Variants in EPHX1 observed in about 807,000 individuals in gnomAD.
EPHX1 encodes epoxide hydrolase 1.
EPHX1 carries 40 observed loss-of-function variants against 43.2 expected under a neutral mutation model. That is an observed-to-expected ratio of 0.93 (90% CI 0.72 to 1.21). The LOEUF (loss-of-function observed/expected upper bound fraction) is 1.21, where lower values mean the gene tolerates loss of function less well. EPHX1 is among the 50% of genes most tolerant of loss of function. The pLI is 0.00. For missense variants in EPHX1, 550 were observed against 570.4 expected (o/e 0.96, Z 0.36); for synonymous variants, 221 against 226.7 (o/e 0.98, Z 0.22).
intron 1 of EPHX1, among the ~76,000 whole-genome samples, chr1:225,824,435 G>A (rs895845711): frequency 3.9e-5 from 6 of 152,168 alleles, no homozygotes; most frequent in Admixed American, 1.3e-4. Context: ...TGCCTACTCC[G>A]ATTCTTGCCT....
rs146784345 is a variant in EPHX1 at position 225,828,372 on chromosome 1, A to G, written c.-5-353A>G. 1.9e-4 allele frequency among the ~76,000 whole-genome samples: 29 copies of G among 151,472 alleles called. No individual in the cohort carries two copies. The East Asian group carries it at 2.3e-3, about 12-fold the overall frequency. On this transcript the variant is annotated intron_variant, in intron 1 of 8. Coordinates refer to ENST00000272167, the MANE Select transcript of EPHX1 (RefSeq NM_001136018.4). Reference sequence around the variant, plus strand: ...AAAAAAACAACATGAGGCCTCAGAAATGTAGCTCCCAAAACCCCCTACCCA... The same window carrying G: ...AAAAAAACAACATGAGGCCTCAGAAGTGTAGCTCCCAAAACCCCCTACCCA...
chr1:225,816,988 G>A (rs1393054809), intron 1 of EPHX1, among the ~76,000 whole-genome samples: 1 of 152,212 alleles, frequency 6.6e-6, no homozygotes, highest in Non-Finnish European at 1.5e-5. Flanking sequence ...GCTGTCTCCT[G>A]ACACTTTTTA....
At chr1:225,824,821 A>C (rs1297557679) in intron 1 of EPHX1, among the ~76,000 whole-genome samples, 1 of 152,146 alleles carries the variant, frequency 6.6e-6, no homozygotes, top group Non-Finnish European at 1.5e-5. Context: ...GCGGGGTTGG[A>C]AACCCACCCC....
chr1:225,838,896 G>GACT lies in EPHX1; in HGVS notation c.592+16_592+17insCTA. The GACT allele has an allele frequency of 6.2e-7, 1 of 1,612,190 alleles. No homozygotes were observed. Among genetic ancestry groups the GACT allele is most frequent in the Non-Finnish European group, 8.5e-7 (1 of 1,178,270 alleles). ...CTCCAAGAAGGGTACGGGGCTGCTA[G>GACT]AGGTTCCATAACTGCCCCGTCCTCG... On this transcript the variant is annotated intron_variant, in intron 4 of 8. Coordinates refer to ENST00000272167, the MANE Select transcript of EPHX1 (RefSeq NM_001136018.4).
chr1:225,828,032 A>T (rs1013279562), intron 1 of EPHX1, among the ~76,000 whole-genome samples: 17 of 152,150 alleles, frequency 1.1e-4, no homozygotes, highest in Non-Finnish European at 2.2e-4. Context: ...TCATGGACAG[A>T]AGCCTTCTCA....
intron 1 of EPHX1, among the ~76,000 whole-genome samples, chr1:225,824,800 G>A (rs961779181): frequency 2.0e-5 from 3 of 152,172 alleles, no homozygotes; most frequent in African/African-American, 7.2e-5. Flanking sequence ...ATGTGGGAGC[G>A]CAAGGCGGCA....
At chr1:225,839,744 T>TG in intron 5 of EPHX1, 85 bp from the exon 6 acceptor site, 1 of 1,421,416 alleles carries the variant, frequency 7.0e-7, no homozygotes, top group East Asian at 2.3e-5. Flanking sequence ...TCCTCAGCCC[T>TG]GAGGCCTGTT....
chr1:225,821,492 C>T (rs1173872965), intron 1 of EPHX1, among the ~76,000 whole-genome samples: 4 of 151,368 alleles, frequency 2.6e-5, no homozygotes, highest in Admixed American at 6.6e-5. Flanking sequence ...GTGATCTGCT[C>T]GCCTTGGCCT....
intron 2 of EPHX1, among the ~76,000 whole-genome samples, chr1:225,829,370 C>T (rs1421211276): frequency 6.6e-6 from 1 of 152,170 alleles, no homozygotes; most frequent in Non-Finnish European, 1.5e-5. Context: ...GGTGATCCCG[C>T]GGGGTGAGGA....
chr1:225,822,190 C>T (rs944904857), intron 1 of EPHX1, among the ~76,000 whole-genome samples: 1 of 152,136 alleles, frequency 6.6e-6, no homozygotes, highest in African/African-American at 2.4e-5. Flanking sequence ...CCCCTCTGAG[C>T]TCAGTATCTT....
intron 2 of EPHX1, among the ~76,000 whole-genome samples, 187 bp from the exon 3 acceptor site, chr1:225,831,592 T>C (rs1301729905): frequency 1.3e-5 from 2 of 150,736 alleles, no homozygotes. Context: ...AAGTCTACAG[T>C]GAAGAAGGAA....
intron 3 of EPHX1, among the ~76,000 whole-genome samples, chr1:225,833,961 G>C (rs1336431986): frequency 6.6e-6 from 1 of 151,364 alleles, no homozygotes; most frequent in African/African-American, 2.4e-5. Flanking sequence ...AGCCGGGCGT[G>C]GTGGCAGGCG....
chr1:225,839,427 A>C, intron 5 of EPHX1, 81 bp downstream of exon 5: 1 of 1,587,354 alleles, frequency 6.3e-7, no homozygotes. Context: ...ACCTGTGTGC[A>C]GGGTGGGCCA....
chr1:225,845,380 C>CT lies in EPHX1; in HGVS notation c.*33_*34insT, dbSNP rs1559029005. 1 of 1,543,432 alleles carries CT rather than the reference C, an allele frequency of 6.5e-7. No individual in the cohort carries two copies. Among genetic ancestry groups the CT allele is most frequent in the Non-Finnish European group, 8.7e-7 (1 of 1,146,260 alleles). On this transcript the variant is annotated 3_prime_UTR_variant, in exon 9 of 9. Transcript: ENST00000272167. ...CTCTCCCCCCGCCTGCCACCTCCCCCCACAAGTGCCCTCCAGGCTTTTCTT... is the reference window on the plus strand; with the variant it reads ...CTCTCCCCCCGCCTGCCACCTCCCCCTCACAAGTGCCCTCCAGGCTTTTCTT...
chr1:225,834,132 T>C (rs1376189474), intron 3 of EPHX1, among the ~76,000 whole-genome samples: 4 of 103,898 alleles, frequency 3.8e-5, no homozygotes, highest in Non-Finnish European at 7.7e-5. Flanking sequence ...AAAAGCCGGG[T>C]GCGGTGGCTC....
At chr1:225,812,799 A>T (rs552639490) in intron 1 of EPHX1, among the ~76,000 whole-genome samples, 2 of 152,324 alleles carry the variant, frequency 1.3e-5, no homozygotes, top group East Asian at 3.9e-4. Flanking sequence ...AAGTAGCTCG[A>T]AGCCCACCCA....
chr1:225,834,112 G>A (rs368331601), intron 3 of EPHX1, among the ~76,000 whole-genome samples: 1,126 of 105,516 alleles, frequency 0.011, 53 homozygotes, highest in Non-Finnish European at 0.013. Flanking sequence ...AAAAAAAAAA[G>A]AAAAAAAAAA....
rs1226434290 is a variant in EPHX1, at chr1:225,831,858, A to G, written c.263A>G (p.Asn88Ser). The G allele has an allele frequency of 1.2e-6, 2 of 1,614,076 alleles. No homozygotes were observed. The highest frequency in any genetic ancestry group is 1.7e-5 in the Admixed American group (1 of 60,000). Residue 88 changes from asparagine (N) to serine (S), a missense_variant, in exon 3 of 9, where the codon AAC (asparagine) becomes AGC (serine). Asn to Ser is a conservative substitution (Grantham distance 46). Transcript: ENST00000272167. ...DSCFHYGFNSNYLKKVISYWR... is the reference protein window; with the variant it reads ...DSCFHYGFNSSYLKKVISYWR... Reference sequence around the variant, plus strand: ...TGCTTCCACTATGGCTTCAACTCCAACTACCTGAAGAAAGTCATCTCCTAC... The same window carrying G: ...TGCTTCCACTATGGCTTCAACTCCAGCTACCTGAAGAAAGTCATCTCCTAC...
At chr1:225,839,007 G>A in intron 4 of EPHX1, 126 bp downstream of exon 4, 8 of 1,341,222 alleles carry the variant, frequency 6.0e-6, no homozygotes, top group Non-Finnish European at 7.3e-6. Context: ...GAAAGGAGGG[G>A]CCTGAGAGGC....
Sources: gnomAD v4.1 joint callset for allele counts (sites outside exome capture counted in the v4.1 genomes callset) on GRCh38, gnomAD v4.1.1 for gene constraint, MANE v1.5 for transcripts, NCBI Gene and HGNC (gene_info 2026-07-23, HGNC 2026-07-21) for gene names.